Variants in PARL observed in about 807,000 individuals in gnomAD.
The protein encoded by PARL is presenilin associated rhomboid like.
Under a neutral mutation model 51.6 loss-of-function variants are expected in PARL, and 44 were observed. The observed-to-expected ratio is 0.85, with a 90% confidence interval of 0.67 to 1.10. The LOEUF (loss-of-function observed/expected upper bound fraction) is 1.10, where lower values mean the gene tolerates loss of function less well. PARL is among the 50% of genes least tolerant of loss of function. PARL has a pLI of 0.00. For missense variants in PARL, 441 were observed against 469.5 expected, an observed-to-expected ratio of 0.94 and a Z score of 0.56; for synonymous variants, 172 against 164.0, an observed-to-expected ratio of 1.05 and a Z score of -0.37.
chr3:183,861,639 TAA>T (rs1731840097), intron 4 of PARL, among the ~76,000 whole-genome samples: 1 of 152,108 alleles, frequency 6.6e-6, no homozygotes, highest in African/African-American at 2.4e-5. Flanking sequence ...TACAGAAAAT[TAA>T]GAGTACAAAA....
rs138416350 is a variant in PARL at position 183,855,607 on chromosome 3, A to C, written c.511+7146T>G. 2.1e-3 allele frequency among the ~76,000 whole-genome samples: 327 copies of C among 152,314 alleles called. 1 individual carries two copies. The highest frequency in any genetic ancestry group is 7.5e-3 in the African/African-American group (313 of 41,566). ...TTCTATTATATCATAATATATAATG[A>C]AGTAATTACACAACTTATCAACTTA... On this transcript the variant is annotated intron_variant, in intron 4 of 9. Coordinates refer to ENST00000317096, the MANE Select transcript of PARL (RefSeq NM_018622.7).
intron 1 of PARL, among the ~76,000 whole-genome samples, chr3:183,878,232 T>C (rs1274228087): frequency 6.6e-6 from 1 of 152,154 alleles, no homozygotes; most frequent in East Asian, 1.9e-4. Flanking sequence ...CGGGGGCTTC[T>C]ACCATGACAG....
At chr3:183,846,086 C>T (rs1313315161) in intron 4 of PARL, among the ~76,000 whole-genome samples, 1 of 152,066 alleles carries the variant, frequency 6.6e-6, no homozygotes, top group African/African-American at 2.4e-5. Flanking sequence ...CCTCAAACCA[C>T]AGACACACAG....
chr3:183,836,125 G>A (rs954507473), intron 7 of PARL, among the ~76,000 whole-genome samples: 21 of 147,730 alleles, frequency 1.4e-4, no homozygotes, highest in Non-Finnish European at 2.5e-4. Context: ...GTTGAGGCAG[G>A]AGAATTGCTT....
At chr3:183,843,131 G>T in intron 5 of PARL, 1 of 844,190 alleles carries the variant, frequency 1.2e-6, no homozygotes, top group Non-Finnish European at 1.4e-6. Flanking sequence ...CAGTTCACCT[G>T]CCTCAGCCTC....
Position 183,853,593 on chromosome 3 carries a change from A to C in PARL, c.511+9160T>G, listed in dbSNP as rs143281009. On this transcript the variant is annotated intron_variant, in intron 4 of 9. Coordinates refer to ENST00000317096, the MANE Select transcript of PARL (RefSeq NM_018622.7). ...AAGAATGCTTATAACTCAACAACAA[A>C]AAAAAATCAAATAACTCGAGTACTT... is the stretch of plus-strand genomic sequence containing the variant. Among the ~76,000 whole-genome samples the C allele has an allele frequency of 7.2e-3, 1,094 of 152,306 alleles. 7 individuals carry two copies. The highest frequency in any genetic ancestry group is 0.011 in the Non-Finnish European group (752 of 68,032).
rs750659658 is a variant in PARL, at chr3:183,842,262, T to C, written c.757+36A>G. On this transcript the variant is annotated intron_variant, in intron 6 of 9. Coordinates refer to ENST00000317096, the MANE Select transcript of PARL (RefSeq NM_018622.7). ...CGTTCTGCAGATAGCTTAGAGTGCT[T>C]ATACTCTCAAAGGCCCCGAGATTAA... The C allele has an allele frequency of 3.7e-6, 6 of 1,601,998 alleles. No individual in the cohort carries two copies. In the African/African-American group the frequency reaches 5.4e-5, roughly 14 times the overall value.
chr3:183,866,213 G>A (rs1409677569), intron 3 of PARL, among the ~76,000 whole-genome samples: 1 of 152,082 alleles, frequency 6.6e-6, no homozygotes, highest in Non-Finnish European at 1.5e-5. Flanking sequence ...GATGCATGTG[G>A]GTAGAGGGAC....
At chr3:183,831,243 T>C (rs942852358) in intron 9 of PARL, among the ~76,000 whole-genome samples, 5 of 152,258 alleles carry the variant, frequency 3.3e-5, no homozygotes, top group African/African-American at 1.2e-4. Flanking sequence ...CCCAAAGTGC[T>C]GGGATTACAG....
intron 4 of PARL, among the ~76,000 whole-genome samples, chr3:183,858,922 CCAAA>C (rs1372007098): frequency 4.6e-5 from 7 of 151,896 alleles, no homozygotes; most frequent in Non-Finnish European, 8.8e-5. Flanking sequence ...AAAAAAATCC[CCAAA>C]CAAACCAAAA....
At chr3:183,882,316 C>CACACATAT (rs1293340626) in intron 1 of PARL, among the ~76,000 whole-genome samples, 29 of 96,146 alleles carry the variant, frequency 3.0e-4, no homozygotes, top group African/African-American at 9.0e-4. Context: ...CACATATATA[C>CACACATAT]ACACATATAT....
intron 4 of PARL, among the ~76,000 whole-genome samples, chr3:183,857,658 T>C (rs1441155821): frequency 5.9e-5 from 9 of 152,340 alleles, no homozygotes; most frequent in South Asian, 2.1e-4. Flanking sequence ...GAAAGACTTA[T>C]TTTTCACTTT....
chr3:183,882,220 A>ATAT (rs1372994317), intron 1 of PARL, among the ~76,000 whole-genome samples: 6 of 60,878 alleles, frequency 9.9e-5, no homozygotes, highest in African/African-American at 4.9e-4. Flanking sequence ...AAAAAAAAAA[A>ATAT]AAATATATAT....
At chr3:183,882,222 A>AATATATATAT in intron 1 of PARL, among the ~76,000 whole-genome samples, 1 of 46,102 alleles carries the variant, frequency 2.2e-5, no homozygotes, top group East Asian at 1.3e-3. Flanking sequence ...AAAAAAAAAA[A>AATATATATAT]ATATATATAT....
intron 2 of PARL, 116 bp downstream of exon 2, chr3:183,867,749 G>C: frequency 1.3e-6 from 1 of 772,918 alleles, no homozygotes; most frequent in East Asian, 2.4e-5. Context: ...CATGAGCCCA[G>C]CTCTTTTTGA....
At chr3:183,881,868 A>AT (rs1734471164) in intron 1 of PARL, among the ~76,000 whole-genome samples, 2 of 152,314 alleles carry the variant, frequency 1.3e-5, no homozygotes, top group South Asian at 4.1e-4. Context: ...AAAACAAAAT[A>AT]TAATATATAC....
At chr3:183,831,907 T>G (rs1174044219) in intron 9 of PARL, among the ~76,000 whole-genome samples, 1 of 152,196 alleles carries the variant, frequency 6.6e-6, no homozygotes, top group African/African-American at 2.4e-5. Context: ...GACTTTAAAA[T>G]GCATTTGATC....
downstream of PARL, among the ~76,000 whole-genome samples, chr3:183,827,189 T>A (rs536608055): frequency 2.0e-5 from 3 of 152,190 alleles, no homozygotes; most frequent in Middle Eastern, 3.4e-3. Flanking sequence ...AGATGGCTCA[T>A]GCGTGGAATC....
intron 9 of PARL, among the ~76,000 whole-genome samples, chr3:183,832,992 A>G (rs1560368130): frequency 1.3e-5 from 2 of 152,220 alleles, no homozygotes; most frequent in Non-Finnish European, 1.5e-5. Flanking sequence ...TGGTGCCTGC[A>G]TACAGCGGGT....
Sources: gnomAD v4.1 joint callset for allele counts (sites outside exome capture counted in the v4.1 genomes callset) on GRCh38, gnomAD v4.1.1 for gene constraint, MANE v1.5 for transcripts, NCBI Gene and HGNC (gene_info 2026-07-23, HGNC 2026-07-21) for gene names.